The following PAPLN variants were observed in gnomAD, a reference collection of about 807,000 sequenced individuals.
The protein encoded by PAPLN is papilin, proteoglycan like sulfated glycoprotein, also known as papilin.
PAPLN carries 146 observed loss-of-function variants against 159.0 expected under a neutral mutation model. That is an observed-to-expected ratio of 0.92 (90% CI 0.80 to 1.05). The LOEUF is 1.05. Ranked by LOEUF, PAPLN falls within the 50% of genes least tolerant of loss-of-function variation. PAPLN has a pLI of 0.00. For missense variants in PAPLN, 1,720 were observed against 1,743.9 expected (o/e 0.99, Z 0.24); for synonymous variants, 734 against 702.9 (o/e 1.04, Z -0.70).
chr14:73,245,634 A>G lies in PAPLN; in HGVS notation c.171-2A>G. Reference sequence around the variant, plus strand: ...GGTCTTCCCGGTGCTCTGGTCCCGCAGGAGAGATGGAGGCTCCAGCTGCGT... The same window carrying G: ...GGTCTTCCCGGTGCTCTGGTCCCGCGGGAGAGATGGAGGCTCCAGCTGCGT... On this transcript the variant is annotated splice_acceptor_variant, in intron 3 of 26. Transcript: ENST00000644200. LOFTEE classifies it high-confidence loss of function. This position sits in a 1 kb window ranked among gnomAD's most constrained non-coding sequence, Gnocchi z 4.2. The G allele has an allele frequency of 6.4e-7, 1 of 1,558,320 alleles. No individual in the cohort carries two copies. The highest frequency in any genetic ancestry group is 8.7e-7 in the Non-Finnish European group (1 of 1,152,406).
chr14:73,261,623 G>T (rs1886598325), intron 18 of PAPLN, among the ~76,000 whole-genome samples: 1 of 152,240 alleles, frequency 6.6e-6, no homozygotes, highest in Non-Finnish European at 1.5e-5. Context: ...GCCGGGATGG[G>T]CAGGGGTGCC....
At chr14:73,260,623 C>A in intron 16 of PAPLN, 86 bp from the exon 17 acceptor site, 1 of 1,349,292 alleles carries the variant, frequency 7.4e-7, no homozygotes, top group East Asian at 2.8e-5. Flanking sequence ...CAGCCCCCAC[C>A]ATGGGGAGCC....
At chr14:73,266,431 T>G in intron 23 of PAPLN, 70 bp from the exon 24 acceptor site, 2 of 1,570,286 alleles carry the variant, frequency 1.3e-6, no homozygotes, top group Non-Finnish European at 1.7e-6. Context: ...GACCCCATGC[T>G]CGAGGGACGG....
At chr14:73,257,753 C>CTTCTTTTTTTTTT (rs1886085400) in intron 14 of PAPLN, among the ~76,000 whole-genome samples, 1 of 91,256 alleles carries the variant, frequency 1.1e-5, no homozygotes, top group East Asian at 4.9e-4. Context: ...TCTCTTTCTT[C>CTTCTTTTTTTTTT]TTTTTTTTTT....
At chr14:73,247,889 C>CGTGTGT (rs71112721) in intron 5 of PAPLN, among the ~76,000 whole-genome samples, 4 of 19,836 alleles carry the variant, frequency 2.0e-4, no homozygotes, top group African/African-American at 1.2e-3. Context: ...TCATATCCTC[C>CGTGTGT]GTGTGTGTGT....
At chr14:73,249,023 C>T (rs575796923) in intron 5 of PAPLN, among the ~76,000 whole-genome samples, 5 of 151,878 alleles carry the variant, frequency 3.3e-5, no homozygotes, top group South Asian at 2.1e-4. Flanking sequence ...CCCAACTATT[C>T]GAGAGACTGA....
chr14:73,250,803 A>G (rs1007292057), intron 6 of PAPLN, 104 bp from the exon 7 acceptor site: 4 of 1,379,556 alleles, frequency 2.9e-6, no homozygotes, highest in South Asian at 1.6e-5. Flanking sequence ...CGACCACCCT[A>G]TCCTGCCTGG....
chr14:73,265,284 G>C lies in PAPLN; in HGVS notation c.3126-86G>C. 6.5e-7 allele frequency: 1 copy of C among 1,531,610 alleles called. No homozygotes were observed. The highest frequency in any genetic ancestry group is 8.7e-7 in the Non-Finnish European group (1 of 1,144,284). The allele number at this position is 1,531,610 out of a possible 1,614,324, so 94.9% of individuals were successfully genotyped here. Reference sequence around the variant, plus strand: ...GAATCTGGCTGGAGAGGGAGAAGGGGCCACCAGGCTTGTGCAGAGGTGCCC... The same window carrying C: ...GAATCTGGCTGGAGAGGGAGAAGGGCCCACCAGGCTTGTGCAGAGGTGCCC... On this transcript the variant is annotated intron_variant, in intron 22 of 26. Coordinates refer to ENST00000644200, the MANE Select transcript of PAPLN (RefSeq NM_001365906.3). The surrounding 1 kb of genome is among the most constrained non-coding windows in gnomAD (Gnocchi z 4.1).
At position 73,254,530 on chromosome 14, in the gene PAPLN, C is replaced by A. The variant is rs376611921; in HGVS notation, c.1320C>A (p.Gly440=). The change falls in exon 13 of 27, where the codon GGC becomes GGA. Residue 440 remains glycine, a synonymous_variant. Coordinates refer to ENST00000644200, the MANE Select transcript of PAPLN (RefSeq NM_001365906.3). ...EPWGECSVSC[G]VGVRKRSVTC... is the part of the protein sequence containing the mutation. Reference sequence around the variant, plus strand: ...CCTTGCAGTGTTCTGTCAGTTGTGGCGTTGGCGTCCGGAAGCGGAGCGTTA... The same window carrying A: ...CCTTGCAGTGTTCTGTCAGTTGTGGAGTTGGCGTCCGGAAGCGGAGCGTTA... 10 of 1,613,800 alleles carry A rather than the reference C, an allele frequency of 6.2e-6. No homozygotes were observed. The highest frequency in any genetic ancestry group is 8.5e-6 in the Non-Finnish European group (10 of 1,179,860).
At chr14:73,259,621 C>T (rs769568113) in intron 16 of PAPLN, 76 bp downstream of exon 16, 5 of 1,415,334 alleles carry the variant, frequency 3.5e-6, no homozygotes, top group Non-Finnish European at 3.7e-6. Context: ...GCCAACATCT[C>T]TGATCAGAAG....
intron 5 of PAPLN, 117 bp downstream of exon 5, chr14:73,246,292 C>G: frequency 1.1e-5 from 10 of 904,632 alleles, no homozygotes; most frequent in Non-Finnish European, 1.6e-5. Flanking sequence ...GAGACAGTCT[C>G]ACTGTGTTGC....
chr14:73,240,622 C>T (rs1332044408), intron 2 of PAPLN, among the ~76,000 whole-genome samples: 2 of 152,064 alleles, frequency 1.3e-5, no homozygotes, highest in Non-Finnish European at 2.9e-5. Flanking sequence ...TTAATTTAAA[C>T]AGCCGCATGC....
At position 73,264,537 on chromosome 14, in the gene PAPLN, C is replaced by T. The variant is rs1300836727; in HGVS notation, c.2987-51C>T. ...TGGTCTCATGGCCCGCCCTTCCTTC[C>T]ACTCCCTTTTCCTCACAGCTCACAC... is the stretch of plus-strand genomic sequence containing the variant. On this transcript the variant is annotated intron_variant, in intron 21 of 26. Coordinates refer to ENST00000644200, the MANE Select transcript of PAPLN (RefSeq NM_001365906.3). 3.8e-6 allele frequency: 6 copies of T among 1,562,284 alleles called. No homozygotes were observed. In the Admixed American group the frequency reaches 6.2e-5, roughly 16 times the overall value.
intron 5 of PAPLN, among the ~76,000 whole-genome samples, chr14:73,248,122 G>T (rs1244897539): frequency 8.8e-6 from 1 of 113,410 alleles, no homozygotes; most frequent in Non-Finnish European, 1.7e-5. Flanking sequence ...TGTGTGTGTT[G>T]TGGGGATCGT....
At chr14:73,241,659 G>T (rs766528948) in intron 2 of PAPLN, among the ~76,000 whole-genome samples, 1 of 152,234 alleles carries the variant, frequency 6.6e-6, no homozygotes. Flanking sequence ...TCTGCAGGGG[G>T]TGTGGCCCCG....
chr14:73,252,541 CTGAA>C (rs1885403928), intron 10 of PAPLN, 104 bp from the exon 11 acceptor site: 1 of 1,413,348 alleles, frequency 7.1e-7, no homozygotes, highest in East Asian at 2.5e-5. Context: ...TCATCTAAGA[CTGAA>C]TGGGGATGAC....
In PAPLN at chr14:73,252,050, CTA is replaced by C. The variant is rs1354214600; in HGVS notation, c.878_879del (p.Tyr293Ter). 3 of 1,612,592 alleles carry C rather than the reference CTA, an allele frequency of 1.9e-6. No individual in the cohort carries two copies. Among genetic ancestry groups the C allele is most frequent in the South Asian group, 2.2e-5 (2 of 90,854 alleles). On this transcript the variant is annotated frameshift_variant, in exon 10 of 27. Transcript: ENST00000644200. LOFTEE classifies it high-confidence loss of function. ...ISQEPNPGVH[Y>X]EYHLPLRRPS... ...GCCAGGAGCCCAACCCCGGTGTGCA[CTA>C]TGAGTACCACCTGCCCCTGCGCCGC...
Position 73,256,052 on chromosome 14 carries a change from C to T in PAPLN, c.1627+1034C>T, listed in dbSNP as rs956272999. Among the ~76,000 whole-genome samples, 8 of 152,258 alleles carry T rather than the reference C, an allele frequency of 5.3e-5. No homozygotes were observed. In the South Asian group the frequency reaches 6.2e-4, roughly 12 times the overall value. On this transcript the variant is annotated intron_variant, in intron 14 of 26. Coordinates refer to ENST00000644200, the MANE Select transcript of PAPLN (RefSeq NM_001365906.3). ...GGTGGTGAGGCCTTGTGGGGGAGCT[C>T]GGCCATCCGGAGGGCCCCTGGTGCC...
intron 11 of PAPLN, among the ~76,000 whole-genome samples, 195 bp from the exon 12 acceptor site, chr14:73,253,559 C>T (rs922844461): frequency 1.3e-5 from 2 of 152,116 alleles, no homozygotes; most frequent in Non-Finnish European, 2.9e-5. Context: ...TTGTGGGGAG[C>T]GCTCAGAGAG....
Sources: gnomAD v4.1 joint callset for allele counts (sites outside exome capture counted in the v4.1 genomes callset) on GRCh38, gnomAD v4.1.1 for gene constraint, Gnocchi (gnomAD v3.1) non-coding constraint, MANE v1.5 for transcripts, NCBI Gene and HGNC (gene_info 2026-07-23, HGNC 2026-07-21) for gene names.